POLQ: variants seen among roughly 807,000 people sequenced by gnomAD.
The protein encoded by POLQ is epididymis secretory sperm binding protein.
A neutral mutation model predicts 259.2 loss-of-function variants in POLQ; 233 were observed. That is an observed-to-expected ratio of 0.90 (90% CI 0.81 to 1.00). POLQ has a LOEUF of 1.00. POLQ is among the 50% of genes least tolerant of loss of function. POLQ has a pLI of 0.00. For synonymous variants in POLQ, 1,025 were observed against 1,048.8 expected (o/e 0.98, Z 0.44); for missense variants, 2,871 against 3,051.6 (o/e 0.94, Z 1.39).
intron 12 of POLQ, among the ~76,000 whole-genome samples, chr3:121,500,079 G>T (rs769351282): frequency 2.6e-5 from 4 of 152,108 alleles, no homozygotes; most frequent in Non-Finnish European, 5.9e-5. Flanking sequence ...TCAGGAGTTT[G>T]AGATCAGCAT....
chr3:121,495,637 G>A (rs1314217350), intron 14 of POLQ, among the ~76,000 whole-genome samples: 4 of 151,494 alleles, frequency 2.6e-5, no homozygotes, highest in Admixed American at 2.6e-4. Context: ...GAGGTCAGGA[G>A]ATCGAGACCA....
chr3:121,517,229 G>A (rs1343592567), intron 9 of POLQ, among the ~76,000 whole-genome samples: 3 of 152,190 alleles, frequency 2.0e-5, no homozygotes, highest in African/African-American at 2.4e-5. Flanking sequence ...ATAGGAATGG[G>A]AAGGAAGAAT....
chr3:121,526,508 T>G (rs759098878), intron 7 of POLQ, among the ~76,000 whole-genome samples: 6 of 152,214 alleles, frequency 3.9e-5, no homozygotes, highest in Non-Finnish European at 8.8e-5. Context: ...TGGCAATTTT[T>G]TTTTCTCAGA....
At chr3:121,495,572 G>A (rs557267653) in intron 14 of POLQ, among the ~76,000 whole-genome samples, 18 of 151,780 alleles carry the variant, frequency 1.2e-4, no homozygotes, top group African/African-American at 2.2e-4. Flanking sequence ...GGCCGGGCGC[G>A]GGTGGCTTAT....
chr3:121,519,741 T>C (rs1219916219), intron 9 of POLQ, 130 bp downstream of exon 9: 5 of 654,230 alleles, frequency 7.6e-6, no homozygotes, highest in Admixed American at 2.4e-5. Context: ...GAATCCAAAA[T>C]GATGACACTA....
chr3:121,479,349 C>CA (rs969052572), intron 19 of POLQ, among the ~76,000 whole-genome samples: 158 of 88,932 alleles, frequency 1.8e-3, no homozygotes, highest in Non-Finnish European at 3.1e-3. Flanking sequence ...CTCATCTCTA[C>CA]AAAAAAAAAA....
intron 15 of POLQ, among the ~76,000 whole-genome samples, chr3:121,491,764 G>A (rs2048070483): frequency 1.3e-5 from 2 of 152,072 alleles, no homozygotes; most frequent in African/African-American, 2.4e-5. Flanking sequence ...CAGATTCCAA[G>A]TGGCCAGTTA....
chr3:121,441,604 G>T (rs988011419), intron 26 of POLQ, among the ~76,000 whole-genome samples: 1 of 152,058 alleles, frequency 6.6e-6, no homozygotes, highest in Non-Finnish European at 1.5e-5. Flanking sequence ...CTCTGTTGTG[G>T]AGGTATAACA....
intron 25 of POLQ, among the ~76,000 whole-genome samples, chr3:121,458,549 A>G (rs1050784100): frequency 3.3e-5 from 5 of 152,214 alleles, no homozygotes; most frequent in Non-Finnish European, 7.3e-5. Flanking sequence ...GATAGTAATA[A>G]TAATAGCTAT....
intron 24 of POLQ, among the ~76,000 whole-genome samples, chr3:121,467,155 G>A (rs1161809715): frequency 6.6e-6 from 1 of 152,184 alleles, no homozygotes; most frequent in East Asian, 1.9e-4. Context: ...TAGAGGTCAA[G>A]GGAGAAGAGA....
intron 19 of POLQ, among the ~76,000 whole-genome samples, chr3:121,478,123 T>C (rs545773188): frequency 5.3e-5 from 8 of 152,134 alleles, no homozygotes; most frequent in African/African-American, 1.9e-4. Flanking sequence ...GTTAAGGGGA[T>C]ATAGATCCTT....
At chr3:121,478,323 C>A (rs147872380) in intron 19 of POLQ, among the ~76,000 whole-genome samples, 106 of 152,046 alleles carry the variant, frequency 7.0e-4, no homozygotes, top group African/African-American at 2.4e-3. Context: ...CCTGTATGAA[C>A]TCACAAAAAA....
Position 121,496,937 on chromosome 3 carries a change from G to GAATA in POLQ, c.2154-9_2154-6dup. On this transcript the variant is annotated splice_region_variant and splice_polypyrimidine_tract_variant and intron_variant, in intron 13 of 29. Transcript: ENST00000264233. ...AGCACAAGACTGGTGAAAAACCTGGGAATAAATCATCAAAAGCGTGGTAAG... is the reference window on the plus strand; with the variant it reads ...AGCACAAGACTGGTGAAAAACCTGGGAATAAATAAATCATCAAAAGCGTGGTAAG... The GAATA allele has an allele frequency of 6.2e-7, 1 of 1,611,240 alleles. No homozygotes were observed. Among genetic ancestry groups the GAATA allele is most frequent in the Middle Eastern group, 1.6e-4 (1 of 6,062 alleles).
chr3:121,539,544 T>C lies in POLQ; in HGVS notation c.520A>G (p.Ser174Gly). The C allele has an allele frequency of 6.2e-7, 1 of 1,612,784 alleles. No individual in the cohort carries two copies. The highest frequency in any genetic ancestry group is 1.1e-5 in the South Asian group (1 of 91,040). The stretch of plus-strand genomic sequence containing the variant: ...GAGAAATGCCTTGATGGAGAGGTGC[T>C]GCCCATATAACCGTCTACTTTTATT... ...VGIKVDGYMG[S>G]TSPSRHFSSL... The change falls in exon 4 of 30, where the codon AGC (serine) becomes GGC (glycine). Residue 174 changes from serine (S) to glycine (G), a missense_variant. By Grantham distance (56) the Ser-to-Gly change is moderately conservative. Around this residue, in one of 3 missense-constraint regions of POLQ, gnomAD observed 783 missense variants for 906.2 expected, o/e 0.86. Coordinates refer to ENST00000264233, the MANE Select transcript of POLQ (RefSeq NM_199420.4).
chr3:121,470,819 G>T (rs1423092992), intron 22 of POLQ, among the ~76,000 whole-genome samples: 1 of 152,134 alleles, frequency 6.6e-6, no homozygotes, highest in Non-Finnish European at 1.5e-5. Context: ...ACTTTCTATA[G>T]AGACATGGTT....
At chr3:121,484,207 A>G (rs2047992663) in intron 17 of POLQ, among the ~76,000 whole-genome samples, 1 of 152,236 alleles carries the variant, frequency 6.6e-6, no homozygotes, top group South Asian at 2.1e-4. Context: ...TTCCTTATTA[A>G]TTTTGCTCCT....
chr3:121,449,355 A>G lies in POLQ; in HGVS notation c.7224T>C (p.Asp2408=), dbSNP rs1457275479. 8.7e-6 allele frequency: 14 copies of G among 1,600,490 alleles called. No individual in the cohort carries two copies. The highest frequency in any genetic ancestry group is 1.2e-5 in the Non-Finnish European group (14 of 1,167,786). ...LGEQMGIKEN[D]AACYIDSFKS... ...TGAAGGAGTCAATATAGCATGCAGC[A>G]TCATTTTCTTTAATGCCCATCTGCT... The change falls in exon 26 of 30, where the codon GAT becomes GAC. Residue 2408 remains aspartate, a synonymous_variant. Transcript: ENST00000264233.
chr3:121,487,933 G>T lies in POLQ; in HGVS notation c.4998C>A (p.Ser1666=). 1 of 1,602,150 alleles carries T rather than the reference G, an allele frequency of 6.2e-7. No individual in the cohort carries two copies. The highest frequency in any genetic ancestry group is 8.5e-7 in the Non-Finnish European group (1 of 1,176,186). ...EKLKSMTINF[S]SLNRKNTELN... is the part of the protein sequence containing the mutation. The stretch of plus-strand genomic sequence containing the variant: ...ACTCTGTATTTTTTCTATTCAAACT[G>T]GAAAAGTTTATAGTCATTGATTTTA... The change falls in exon 16 of 30, where the codon TCC becomes TCA. Residue 1666 remains serine, a synonymous_variant. Transcript: ENST00000264233.
intron 5 of POLQ, among the ~76,000 whole-genome samples, chr3:121,535,335 T>G (rs2048442361): frequency 6.6e-6 from 1 of 152,152 alleles, no homozygotes; most frequent in Non-Finnish European, 1.5e-5. Flanking sequence ...GCACTGAATT[T>G]CTCAATAGCA....
Sources: allele counts gnomAD v4.1 joint callset (sites outside exome capture counted in the v4.1 genomes callset), GRCh38; gene constraint gnomAD v4.1.1; regional missense constraint gnomAD v4.1.1; transcripts MANE v1.5; gene names NCBI Gene and HGNC (gene_info 2026-07-23, HGNC 2026-07-21).